GCKR: variants seen among roughly 807,000 people sequenced by gnomAD.
GCKR encodes glucokinase regulatory protein.
GCKR carries 73 observed loss-of-function variants against 82.9 expected under a neutral mutation model. That is an observed-to-expected ratio of 0.88 (90% CI 0.73 to 1.07). The LOEUF (loss-of-function observed/expected upper bound fraction) is 1.07. GCKR is among the 50% of genes least tolerant of loss of function. GCKR has a pLI of 0.00. For synonymous variants in GCKR, 294 were observed against 291.8 expected, an observed-to-expected ratio of 1.01 and a Z score of -0.08; for missense variants, 784 against 782.1, an observed-to-expected ratio of 1.00 and a Z score of -0.03.
At position 27,508,254 on chromosome 2, in the gene GCKR, A is replaced by G. The variant is rs766365914; in HGVS notation, c.1422+3A>G. 1.2e-5 allele frequency: 19 copies of G among 1,570,400 alleles called. No homozygotes were observed. Among genetic ancestry groups the G allele is most frequent in the Middle Eastern group, 1.7e-4 (1 of 5,968 alleles). ...AATATGAAGGGAACTTCATCCAGGTATGGGGAATGAGAAGGTCCTATCTGC... is the reference window on the plus strand; with the variant it reads ...AATATGAAGGGAACTTCATCCAGGTGTGGGGAATGAGAAGGTCCTATCTGC... On this transcript the variant is annotated splice_donor_region_variant and intron_variant, in intron 16 of 18. Coordinates refer to ENST00000264717, the MANE Select transcript of GCKR (RefSeq NM_001486.4).
intron 5 of GCKR, 103 bp downstream of exon 5, chr2:27,498,900 G>A: frequency 1.3e-6 from 1 of 791,920 alleles, no homozygotes. Context: ...GCTTGTCTTA[G>A]TCCTCACCAT....
intron 15 of GCKR, 38 bp from the exon 16 acceptor site, chr2:27,508,130 T>C: frequency 6.3e-7 from 1 of 1,577,966 alleles, no homozygotes; most frequent in Non-Finnish European, 8.7e-7. Flanking sequence ...CAGGCCTTCC[T>C]GGAGATGCCT....
At chr2:27,505,896 G>A in intron 10 of GCKR, 60 bp downstream of exon 10, 6 of 949,414 alleles carry the variant, frequency 6.3e-6, no homozygotes, top group Non-Finnish European at 1.0e-5. Context: ...TGGTGTGGAT[G>A]GAGATTGGCA....
At chr2:27,505,696 T>C (rs200296996) in intron 9 of GCKR, 22 bp from the exon 10 acceptor site, 2 of 1,327,504 alleles carry the variant, frequency 1.5e-6, no homozygotes, top group South Asian at 2.3e-5. Context: ...CCAATTCCTC[T>C]TGGGTGTCTT....
chr2:27,519,295 T>C (rs1425285065), intron 17 of GCKR, among the ~76,000 whole-genome samples: 4 of 152,130 alleles, frequency 2.6e-5, no homozygotes, highest in East Asian at 1.9e-4. Flanking sequence ...TTCCCCTGTG[T>C]TGCTCTCATT....
At chr2:27,507,484 C>T in intron 13 of GCKR, 173 bp downstream of exon 13, 1 of 690,694 alleles carries the variant, frequency 1.4e-6, no homozygotes, top group Non-Finnish European at 2.6e-6. Flanking sequence ...GTGGAAAGCT[C>T]TAGATCCAGT....
intron 3 of GCKR, 139 bp from the exon 4 acceptor site, chr2:27,498,116 G>A: frequency 1.4e-6 from 1 of 694,518 alleles, no homozygotes. Flanking sequence ...ACACTACATT[G>A]CATGTATTTG....
In GCKR at chr2:27,497,348, A is replaced by C; in HGVS notation, c.165A>C (p.Gln55His). 1 of 1,614,248 alleles carries C rather than the reference A, an allele frequency of 6.2e-7. No individual in the cohort carries two copies. The highest frequency in any genetic ancestry group is 1.6e-4 in the Middle Eastern group (1 of 6,062). ...DAENIVRLLG[Q>H]CDAEIFQEEG... is the part of the protein sequence containing the mutation. Reference sequence around the variant, plus strand: ...AGAACATTGTTCGACTGCTAGGGCAATGTGATGCTGAGATCTTCCAGGAGG... The same window carrying C: ...AGAACATTGTTCGACTGCTAGGGCACTGTGATGCTGAGATCTTCCAGGAGG... The change falls in exon 2 of 19, where the codon CAA (glutamine) becomes CAC (histidine). Residue 55 changes from glutamine to histidine, a missense_variant. Physicochemically the swap from Gln to His is conservative, Grantham distance 24. Transcript: ENST00000264717.
intron 6 of GCKR, 67 bp downstream of exon 6, chr2:27,499,275 C>A: frequency 2.2e-6 from 3 of 1,384,606 alleles, no homozygotes; most frequent in Non-Finnish European, 3.1e-6. Context: ...ACATAAAAGC[C>A]CCAGCATTCA....
At chr2:27,521,858 G>A (rs1223383583) in intron 17 of GCKR, among the ~76,000 whole-genome samples, 1 of 152,066 alleles carries the variant, frequency 6.6e-6, no homozygotes, top group Non-Finnish European at 1.5e-5. Flanking sequence ...GAGTAGCTGG[G>A]ACGATAGGCA....
Position 27,518,847 on chromosome 2 carries a change from T to C in GCKR, c.1482T>C (p.His494=), listed in dbSNP as rs753642460. 8 of 1,612,600 alleles carry C rather than the reference T, an allele frequency of 5.0e-6. No individual in the cohort carries two copies. In the South Asian group the frequency reaches 8.8e-5, roughly 18 times the overall value. The change falls in exon 17 of 19, where the codon CAT becomes CAC. Residue 494 remains histidine, a synonymous_variant. Coordinates refer to ENST00000264717, the MANE Select transcript of GCKR (RefSeq NM_001486.4). The part of the protein sequence containing the change: ...WVLNTVSTGA[H]VLLGKILQNH... Reference sequence around the variant, plus strand: ...TGAATACAGTGAGTACAGGTGCTCATGTGCTTCTTGGTAAGATCCTACAAA... The same window carrying C: ...TGAATACAGTGAGTACAGGTGCTCACGTGCTTCTTGGTAAGATCCTACAAA...
intron 8 of GCKR, among the ~76,000 whole-genome samples, chr2:27,501,991 C>G (rs1669594568): frequency 6.6e-6 from 1 of 152,174 alleles, no homozygotes. Flanking sequence ...TTCTGATGCA[C>G]AGCCAGGTTT....
At chr2:27,512,691 A>G (rs1318746662) in intron 16 of GCKR, among the ~76,000 whole-genome samples, 1 of 152,232 alleles carries the variant, frequency 6.6e-6, no homozygotes, top group Non-Finnish European at 1.5e-5. Context: ...TCTATTATCT[A>G]GACCATATTC....
chr2:27,497,696 C>T (rs1461004012), intron 3 of GCKR, 66 bp downstream of exon 3: 9 of 953,798 alleles, frequency 9.4e-6, no homozygotes, highest in Non-Finnish European at 1.6e-5. Flanking sequence ...TTTACTGTCT[C>T]TATTTCTCAC....
intron 16 of GCKR, among the ~76,000 whole-genome samples, chr2:27,509,981 A>G (rs1459417276): frequency 6.6e-6 from 1 of 151,502 alleles, no homozygotes; most frequent in Non-Finnish European, 1.5e-5. Context: ...TCATGCCGGG[A>G]CATGTTCTCA....
chr2:27,508,248 C>A lies in GCKR; in HGVS notation c.1419C>A (p.Ile473=). The change falls in exon 16 of 19, where the codon ATC becomes ATA. Residue 473 remains isoleucine, a synonymous_variant. Transcript: ENST00000264717. ...LLFFEYEGNF[I]QKFQRELSTK... The stretch of plus-strand genomic sequence containing the variant: ...TCTTTGAATATGAAGGGAACTTCAT[C>A]CAGGTATGGGGAATGAGAAGGTCCT... The A allele has an allele frequency of 6.3e-7, 1 of 1,577,048 alleles. No individual in the cohort carries two copies. Among genetic ancestry groups the A allele is most frequent in the Non-Finnish European group, 8.7e-7 (1 of 1,146,212 alleles).
chr2:27,500,060 C>T (rs938964061), intron 7 of GCKR, among the ~76,000 whole-genome samples: 2 of 151,642 alleles, frequency 1.3e-5, no homozygotes, highest in African/African-American at 4.9e-5. Context: ...CTGCACCTGG[C>T]CCTAAAATAA....
intron 9 of GCKR, among the ~76,000 whole-genome samples, chr2:27,505,165 G>C (rs1298476344): frequency 7.3e-6 from 1 of 137,452 alleles, no homozygotes; most frequent in South Asian, 2.3e-4. Flanking sequence ...GGGAGGCCGA[G>C]GTGGGCGAAT....
At chr2:27,512,391 C>T (rs1255362764) in intron 16 of GCKR, among the ~76,000 whole-genome samples, 2 of 151,470 alleles carry the variant, frequency 1.3e-5, no homozygotes, top group South Asian at 2.1e-4. Context: ...AAAAATTAGC[C>T]GGGCATGGTG....
Sources: gnomAD v4.1 joint callset for allele counts (sites outside exome capture counted in the v4.1 genomes callset) on GRCh38, gnomAD v4.1.1 for gene constraint, MANE v1.5 for transcripts, NCBI Gene and HGNC (gene_info 2026-07-23, HGNC 2026-07-21) for gene names.